The following CDH13 variants were observed in gnomAD, a reference collection of about 807,000 sequenced individuals.
The protein encoded by CDH13 is cadherin-13.
CDH13 carries 24 observed loss-of-function variants against 63.8 expected under a neutral mutation model. That is an observed-to-expected ratio of 0.38 (90% CI 0.27 to 0.53). The LOEUF (loss-of-function observed/expected upper bound fraction) is 0.53, where lower values mean the gene tolerates loss of function less well. Ranked by LOEUF, CDH13 falls within the 20% of genes least tolerant of loss-of-function variation. The pLI, the probability that CDH13 is intolerant of heterozygous loss-of-function variation, is 0.85. For missense variants in CDH13, 1,049 were observed against 903.1 expected (o/e 1.16, Z -2.07); for synonymous variants, 503 against 355.3 (o/e 1.42, Z -4.67).
intron 7 of CDH13, among the ~76,000 whole-genome samples, chr16:83,550,690 C>T (rs35681488): frequency 0.31 from 47,028 of 151,998 alleles, 7,408 homozygotes; most frequent in Middle Eastern, 0.36. Context: ...TTCCATGAGG[C>T]CAGAGATCAC....
At chr16:83,176,250 G>A (rs1597467833) in intron 4 of CDH13, among the ~76,000 whole-genome samples, 1 of 151,384 alleles carries the variant, frequency 6.6e-6, no homozygotes, top group Non-Finnish European at 1.5e-5. Context: ...GGTGGCTCAC[G>A]CCTGTAATCC....
chr16:83,465,988 G>T (rs2073304715), intron 6 of CDH13, among the ~76,000 whole-genome samples: 1 of 152,170 alleles, frequency 6.6e-6, no homozygotes, highest in South Asian at 2.1e-4. Context: ...GGGAGGAGAA[G>T]TCTCTTCTGC....
chr16:82,934,770 A>C (rs2042612954), intron 2 of CDH13, among the ~76,000 whole-genome samples: 1 of 152,226 alleles, frequency 6.6e-6, no homozygotes, highest in African/African-American at 2.4e-5. Context: ...TTGCTAAAGC[A>C]TAGCAAGAGT....
intron 2 of CDH13, among the ~76,000 whole-genome samples, chr16:82,993,963 C>T (rs1279728333): frequency 6.6e-6 from 1 of 152,110 alleles, no homozygotes; most frequent in Non-Finnish European, 1.5e-5. Flanking sequence ...CCTGCAAGAT[C>T]CTGAAGCCCT....
chr16:82,879,741 ATATATGAG>A (rs2040627744), intron 2 of CDH13, among the ~76,000 whole-genome samples: 1 of 138,680 alleles, frequency 7.2e-6, no homozygotes, highest in South Asian at 2.2e-4. Flanking sequence ...CATACTGATT[ATATATGAG>A]TATATAACAT....
chr16:83,508,413 G>A (rs1323740247), intron 7 of CDH13: 2 of 154,042 alleles, frequency 1.3e-5, no homozygotes, highest in African/African-American at 2.4e-5. Flanking sequence ...AGCAGTGACT[G>A]TTGATGGCTC....
chr16:82,635,624 G>A (rs1009926316), intron 1 of CDH13, among the ~76,000 whole-genome samples: 6 of 152,214 alleles, frequency 3.9e-5, no homozygotes, highest in African/African-American at 1.2e-4. Flanking sequence ...AGCTGGGTAA[G>A]AATGGAAAGG....
intron 1 of CDH13, among the ~76,000 whole-genome samples, chr16:82,649,019 A>G (rs1024487797): frequency 1.3e-5 from 2 of 152,196 alleles, no homozygotes; most frequent in African/African-American, 4.8e-5. Context: ...AAGTGCCAGA[A>G]ATGATTCCAA....
At chr16:83,192,086 G>C (rs915789109) in intron 4 of CDH13, among the ~76,000 whole-genome samples, 1 of 152,162 alleles carries the variant, frequency 6.6e-6, no homozygotes, top group Admixed American at 6.5e-5. Flanking sequence ...TCACTATTTT[G>C]TTATTTATAC....
intron 7 of CDH13, among the ~76,000 whole-genome samples, chr16:83,561,125 T>C (rs2075699137): frequency 2.0e-5 from 3 of 152,238 alleles, no homozygotes; most frequent in East Asian, 3.9e-4. Context: ...TGAAAAATAC[T>C]CATTCAGGTT....
intron 3 of CDH13, among the ~76,000 whole-genome samples, chr16:83,118,825 C>G (rs533957971): frequency 7.2e-5 from 11 of 152,288 alleles, no homozygotes; most frequent in African/African-American, 2.6e-4. Flanking sequence ...GCTGATGTAA[C>G]TGCTGATTCC....
At chr16:83,154,015 T>C (rs2037101056) in intron 4 of CDH13, among the ~76,000 whole-genome samples, 1 of 152,210 alleles carries the variant, frequency 6.6e-6, no homozygotes, top group South Asian at 2.1e-4. Context: ...ATTCCTTCTT[T>C]CTGCCTGGCC....
At chr16:83,272,846 C>T (rs1346915552) in intron 5 of CDH13, among the ~76,000 whole-genome samples, 1 of 152,162 alleles carries the variant, frequency 6.6e-6, no homozygotes, top group Non-Finnish European at 1.5e-5. Context: ...CTATTCTGTG[C>T]AGATCAGTCA....
chr16:83,412,745 C>T (rs114241075), intron 6 of CDH13, among the ~76,000 whole-genome samples: 2 of 152,238 alleles, frequency 1.3e-5, no homozygotes, highest in East Asian at 1.9e-4. Flanking sequence ...TCATGAGCCC[C>T]CTTAAGACCC....
intron 3 of CDH13, among the ~76,000 whole-genome samples, chr16:83,054,633 G>A (rs192126292): frequency 3.3e-5 from 5 of 152,064 alleles, no homozygotes; most frequent in African/African-American, 9.7e-5. Flanking sequence ...ATTGACTATA[G>A]GTAACTAAAA....
intron 5 of CDH13, among the ~76,000 whole-genome samples, chr16:83,243,312 G>C (rs550972714): frequency 1.3e-5 from 2 of 152,222 alleles, no homozygotes; most frequent in Non-Finnish European, 2.9e-5. Flanking sequence ...GAGGCCTCAC[G>C]GCGATGGTGG....
At chr16:83,312,754 A>G (rs1248455474) in intron 5 of CDH13, among the ~76,000 whole-genome samples, 1 of 152,156 alleles carries the variant, frequency 6.6e-6, no homozygotes, top group East Asian at 1.9e-4. Context: ...AAAACCACAA[A>G]AGCTCAATCA....
At chr16:82,910,191 G>A (rs1015669133) in intron 2 of CDH13, among the ~76,000 whole-genome samples, 1 of 152,138 alleles carries the variant, frequency 6.6e-6, no homozygotes, top group Non-Finnish European at 1.5e-5. Flanking sequence ...GCAGCATGTG[G>A]CACAGGCAAG....
chr16:82,639,834 C>G (rs1418796595), intron 1 of CDH13, among the ~76,000 whole-genome samples: 1 of 152,242 alleles, frequency 6.6e-6, no homozygotes, highest in Non-Finnish European at 1.5e-5. Context: ...CCTTTGCCCT[C>G]CAATCCTGTT....
Sources: allele counts gnomAD v4.1 joint callset (sites outside exome capture counted in the v4.1 genomes callset), GRCh38; gene constraint gnomAD v4.1.1; transcripts MANE v1.5; gene names NCBI Gene and HGNC (gene_info 2026-07-23, HGNC 2026-07-21).